The following ADGRD2 variants were observed in gnomAD, a reference collection of about 807,000 sequenced individuals.
ADGRD2 encodes the protein G protein-coupled receptor PGR24.
Under a neutral mutation model 44.4 loss-of-function variants are expected in ADGRD2, and 71 were observed. The ratio of observed to expected loss-of-function variants is 1.60; its 90% CI spans 1.32 to 1.95. The LOEUF (loss-of-function observed/expected upper bound fraction) is 1.95, where lower values mean the gene tolerates loss of function less well. Among genes scored for constraint, ADGRD2 ranks in the 30% most tolerant of loss-of-function variants. The pLI is 0.00. For missense variants in ADGRD2, 1,039 were observed against 512.4 expected (o/e 2.03, Z -9.92); for synonymous variants, 481 against 224.8 (o/e 2.14, Z -10.19).
chr9:124,458,797 T>A (rs1831669660), intron 10 of ADGRD2, 76 bp downstream of exon 13: 1 of 682,144 alleles, frequency 1.5e-6, no homozygotes, highest in Non-Finnish European at 2.8e-6. Flanking sequence ...CCCCAGTATT[T>A]ATCCAATGGA....
At chr9:124,464,656 A>G (rs1036199274) in intron 10 of ADGRD2, among the ~76,000 whole-genome samples, 1 of 152,170 alleles carries the variant, frequency 6.6e-6, no homozygotes, top group African/African-American at 2.4e-5. Context: ...TGGCCACCTG[A>G]TATGTCTTCA....
chr9:124,459,511 T>C (rs1831686819), intron 10 of ADGRD2, among the ~76,000 whole-genome samples: 1 of 151,884 alleles, frequency 6.6e-6, no homozygotes, highest in South Asian at 2.1e-4. Flanking sequence ...AAAAAAAGTT[T>C]TGTAGATATA....
In ADGRD2 at chr9:124,454,022, T is replaced by C. The variant is rs1564137474; in HGVS notation, c.949T>C (p.Trp317Arg). The stretch of plus-strand genomic sequence containing the variant: ...AGTGCCCTCCGAGGAGTGCCCTACG[T>C]GGAACCCGGGACCTCGCAGTGAGGG... The change falls in exon 4 of 22, where the codon TGG becomes CGG. Residue 317 changes from tryptophan to arginine, a missense_variant. By Grantham distance (101) the Trp-to-Arg change is moderately radical (BLOSUM62 -3). Coordinates refer to ENST00000334810, the Ensembl canonical transcript of ADGRD2. The surrounding 1 kb of genome is among the most constrained non-coding windows in gnomAD (Gnocchi z 4.5). 1 of 710,934 alleles carries C rather than the reference T, an allele frequency of 1.4e-6. No homozygotes were observed. Among genetic ancestry groups the C allele is most frequent in the African/African-American group, 1.8e-5 (1 of 57,104 alleles). The allele number at this position is 710,934 out of a possible 1,614,324, so 44.0% of individuals were successfully genotyped here.
intron 21 of ADGRD2, chr9:124,477,244 C>T: frequency 2.8e-6 from 1 of 359,510 alleles, no homozygotes; most frequent in East Asian, 7.5e-5. Context: ...TGAGGACACC[C>T]CAGCTCCGGC....
In ADGRD2 at chr9:124,470,621, C is replaced by A; in HGVS notation, c.2758+7C>A. 1 of 701,956 alleles carries A rather than the reference C, an allele frequency of 1.4e-6. No individual in the cohort carries two copies. 43.5% of individuals were successfully genotyped at this position (701,956 alleles called of 1,614,324 possible). On this transcript the variant is annotated splice_region_variant and intron_variant, in intron 17 of 21. Transcript: ENST00000334810. ...GGGCCTCAACTCCATCCAGGTACCT[C>A]CAGCCCCAACCTTCTGGGACTAGGC...
chr9:124,463,012 C>T (rs1265929464), intron 10 of ADGRD2, among the ~76,000 whole-genome samples: 1 of 151,454 alleles, frequency 6.6e-6, no homozygotes. Context: ...TCCCTTGTTG[C>T]ACCAGCTAGG....
intron 17 of ADGRD2, among the ~76,000 whole-genome samples, chr9:124,472,525 G>T (rs929533732): frequency 1.3e-5 from 2 of 151,442 alleles, no homozygotes; most frequent in Admixed American, 6.6e-5. Context: ...TTGTTTTTTG[G>T]AGATGGAGTC....
intron 21 of ADGRD2, among the ~76,000 whole-genome samples, chr9:124,477,922 C>T (rs1196960018): frequency 6.6e-6 from 1 of 152,050 alleles, no homozygotes; most frequent in Non-Finnish European, 1.5e-5. Context: ...TAGGGCCGCT[C>T]GTAGCAACAG....
rs1012225141 is a variant in ADGRD2, at chr9:124,458,017, CT to C, written c.1641-95del. 5.9e-6 allele frequency: 4 copies of C among 676,670 alleles called. No individual in the cohort carries two copies. The African/African-American group carries it at 7.1e-5, about 12-fold the overall frequency. 41.9% of individuals were successfully genotyped at this position (676,670 alleles called of 1,614,324 possible). A position where few individuals can be genotyped will look rare whatever the true frequency, so the allele number is the denominator to read the frequency against. ...TTTACCTCTCTGAGCCTCAGTTTCCCTATCTCTAGAGTGGGGAGAGCATCAC... is the reference window on the plus strand; with the variant it reads ...TTTACCTCTCTGAGCCTCAGTTTCCCATCTCTAGAGTGGGGAGAGCATCAC... On this transcript the variant is annotated intron_variant, in intron 8 of 21. Coordinates refer to ENST00000334810, the Ensembl canonical transcript of ADGRD2.
chr9:124,461,726 GTT>G (rs58035133), intron 10 of ADGRD2, among the ~76,000 whole-genome samples: 279 of 147,676 alleles, frequency 1.9e-3, no homozygotes, highest in Admixed American at 4.0e-3. Flanking sequence ...TTCCAACTTT[GTT>G]TTTTTTTTTT....
rs1831584579 is a variant in ADGRD2 at position 124,454,889 on chromosome 9, C to T, written c.1157C>T (p.Ala386Val). Residue 386 changes from alanine to valine, a missense_variant, in exon 6 of 22, where the codon GCG (alanine) becomes GTG (valine). Ala to Val is a moderately conservative substitution (Grantham distance 64). Coordinates refer to ENST00000334810, the Ensembl canonical transcript of ADGRD2. The surrounding 1 kb of genome is among the most constrained non-coding windows in gnomAD (Gnocchi z 4.5). ...GAAGTCCATGGGGCCCTGTCCCCAG[C>T]GGAGGCCTCCAGCTTCCTGGGCCTT... The T allele has an allele frequency of 4.2e-6, 3 of 712,814 alleles. No homozygotes were observed. Among genetic ancestry groups the T allele is most frequent in the South Asian group, 1.5e-5 (1 of 67,576 alleles). The allele number at this position is 712,814 out of a possible 1,614,324, so 44.2% of individuals were successfully genotyped here.
intron 1 of ADGRD2, 168 bp from the exon 5 acceptor site, chr9:124,452,342 C>T (rs766392131): frequency 6.2e-6 from 4 of 642,226 alleles, no homozygotes; most frequent in Middle Eastern, 2.9e-4. Flanking sequence ...GCGCAGATGA[C>T]GAAAAGAGCT....
At chr9:124,459,348 G>A (rs112340933) in intron 10 of ADGRD2, among the ~76,000 whole-genome samples, 5 of 152,210 alleles carry the variant, frequency 3.3e-5, no homozygotes, top group African/African-American at 4.8e-5. Context: ...ACAAAAGTTA[G>A]CCAGGCATGG....
At chr9:124,453,883 G>T (rs1387759246) in intron 3 of ADGRD2, 116 bp from the exon 7 acceptor site, 2 of 362,994 alleles carry the variant, frequency 5.5e-6, no homozygotes, top group East Asian at 5.7e-5. Context: ...CCCCCACCCC[G>T]AGCTGGCAAC....
chr9:124,459,679 A>G (rs1831691498), intron 10 of ADGRD2, among the ~76,000 whole-genome samples: 1 of 152,120 alleles, frequency 6.6e-6, no homozygotes, highest in Non-Finnish European at 1.5e-5. Context: ...ATATATTTAT[A>G]TTTTATTTCC....
In ADGRD2 at chr9:124,466,238, C is replaced by T; in HGVS notation, c.1871-20C>T. ...CTGCTTGCTTCTGGCCCCTCACCCC[C>T]TTGTCCACCTTATCTCAAGAGCCCC... is the stretch of plus-strand genomic sequence containing the variant. On this transcript the variant is annotated intron_variant, in intron 10 of 21. Transcript: ENST00000334810. 1.7e-6 allele frequency: 1 copy of T among 601,542 alleles called. No homozygotes were observed. The highest frequency in any genetic ancestry group is 2.5e-5 in the Admixed American group (1 of 40,324). The allele number at this position is 601,542 out of a possible 1,614,324, so 37.3% of individuals were successfully genotyped here.
intron 17 of ADGRD2, among the ~76,000 whole-genome samples, chr9:124,471,656 C>A (rs964642721): frequency 6.6e-6 from 1 of 152,188 alleles, no homozygotes; most frequent in Non-Finnish European, 1.5e-5. Flanking sequence ...AGCCACAGGG[C>A]ATCCAGCTAT....
At chr9:124,469,487 G>A (rs936463829) in exon 16 of ADGRD2, 14 of 718,002 alleles carry the variant, frequency 1.9e-5, no homozygotes, top group Middle Eastern at 2.3e-4. Flanking sequence ...AGTGCCCGCC[G>A]CCGTGCCCGC....
At chr9:124,469,587 T>G (rs1203065532) in intron 16 of ADGRD2, 40 bp downstream of exon 19, 3 of 714,104 alleles carry the variant, frequency 4.2e-6, no homozygotes, top group Non-Finnish European at 7.8e-6. Context: ...AAGCAGGAAG[T>G]GCACAGTCAG....
Sources: gnomAD v4.1 joint callset for allele counts (sites outside exome capture counted in the v4.1 genomes callset) on GRCh38, gnomAD v4.1.1 for gene constraint, Gnocchi (gnomAD v3.1) non-coding constraint, MANE v1.5 for transcripts, NCBI Gene and HGNC (gene_info 2026-07-23, HGNC 2026-07-21) for gene names.